PCNT: variants seen among roughly 807,000 people sequenced by gnomAD.
The protein encoded by PCNT is kendrin.
In PCNT, 319 loss-of-function variants were observed where a neutral mutation model predicts 380.4. The observed-to-expected ratio is 0.84, with a 90% CI of 0.77 to 0.92. PCNT has a LOEUF of 0.92. Among genes scored for constraint, PCNT ranks in the 40% least tolerant of loss-of-function variants. The probability of loss-of-function intolerance (pLI) is 0.00; values close to 1 mark genes in which losing one functional copy is unlikely to be tolerated. For synonymous variants in PCNT, 1,845 were observed against 1,735.2 expected, an observed-to-expected ratio of 1.06 and a Z score of -1.57; for missense variants, 4,400 against 4,255.3, an observed-to-expected ratio of 1.03 and a Z score of -0.95.
intron 2 of PCNT, among the ~76,000 whole-genome samples, chr21:46,327,026 CAGTG>C (rs988479893): frequency 5.4e-4 from 80 of 149,044 alleles, no homozygotes; most frequent in Admixed American, 2.7e-3. Flanking sequence ...AAAAAAAAAA[CAGTG>C]AGTAAATTTT....
Position 46,412,877 on chromosome 21 carries a change from C to A in PCNT, c.6035C>A (p.Pro2012His), listed in dbSNP as rs767323117. 1.2e-6 allele frequency: 2 copies of A among 1,612,870 alleles called. No homozygotes were observed. Among genetic ancestry groups the A allele is most frequent in the South Asian group, 2.2e-5 (2 of 91,086 alleles). ...GTCCTGGTGACGTTGAAGGATGCACCTCTCTGCAAGCAAGAAGGCGTGATG... is the reference window on the plus strand; with the variant it reads ...GTCCTGGTGACGTTGAAGGATGCACATCTCTGCAAGCAAGAAGGCGTGATG... ...QPVLVTLKDA[P>H]LCKQEGVMSV... Residue 2012 changes from proline to histidine, a missense_variant, in exon 29 of 47, where the codon CCT (proline) becomes CAT (histidine). Transcript: ENST00000359568.
At chr21:46,402,627 G>T in intron 27 of PCNT, 144 bp downstream of exon 27, 1 of 805,544 alleles carries the variant, frequency 1.2e-6, no homozygotes. Flanking sequence ...TGCAGAGAGC[G>T]CCCGATTCTG....
chr21:46,427,906 G>C (rs1212693591), intron 34 of PCNT, 111 bp downstream of exon 34: 2 of 1,217,170 alleles, frequency 1.6e-6, no homozygotes, highest in Admixed American at 1.9e-5. Flanking sequence ...TGTTTCTCTC[G>C]ACCGCTGGAA....
intron 4 of PCNT, 28 bp from the exon 5 acceptor site, chr21:46,346,715 C>T: frequency 6.3e-7 from 1 of 1,583,814 alleles, no homozygotes; most frequent in Non-Finnish European, 8.6e-7. Context: ...ACCATGGGCC[C>T]TTATCAGAGG....
Position 46,361,472 on chromosome 21 carries a change from C to T in PCNT, c.2155-2008C>T, listed in dbSNP as rs148791313. On this transcript the variant is annotated intron_variant, in intron 13 of 46. Transcript: ENST00000359568. ...TCTACTAAGAGTCACCATGATGCTGCGTTGTGTAAACTGTGACCTCTAACT... is the reference window on the plus strand; with the variant it reads ...TCTACTAAGAGTCACCATGATGCTGTGTTGTGTAAACTGTGACCTCTAACT... Among the ~76,000 whole-genome samples the T allele has an allele frequency of 7.2e-3, 1,098 of 152,328 alleles. 4 individuals are homozygous for T. Among genetic ancestry groups the T allele is most frequent in the Non-Finnish European group, 0.012 (793 of 68,036 alleles).
intron 30 of PCNT, among the ~76,000 whole-genome samples, chr21:46,417,543 T>C (rs1283652641): frequency 6.8e-6 from 1 of 146,180 alleles, no homozygotes; most frequent in Non-Finnish European, 1.5e-5. Context: ...TAATTTTAAT[T>C]TATGAGTTAG....
intron 15 of PCNT, among the ~76,000 whole-genome samples, chr21:46,376,097 G>A (rs904919104): frequency 6.6e-6 from 1 of 152,172 alleles, no homozygotes. Flanking sequence ...TACCCTCTCC[G>A]TCTGCAGTGT....
Position 46,411,833 on chromosome 21 carries a change from G to C in PCNT, c.5760G>C (p.Gln1920His). 2.6e-6 allele frequency: 4 copies of C among 1,565,078 alleles called. No homozygotes were observed. Among genetic ancestry groups the C allele is most frequent in the Non-Finnish European group, 2.6e-6 (3 of 1,160,744 alleles). ...LAAGAAPPELQWLRAQCARLS... is the reference protein window; with the variant it reads ...LAAGAAPPELHWLRAQCARLS... Reference sequence around the variant, plus strand: ...CCGGGGCGGCGCCTCCCGAGCTGCAGTGGCTCCGAGCGCAGTGTGCCCGCC... The same window carrying C: ...CCGGGGCGGCGCCTCCCGAGCTGCACTGGCTCCGAGCGCAGTGTGCCCGCC... Residue 1920 changes from glutamine to histidine, a missense_variant, in exon 28 of 47, where the codon CAG (glutamine) becomes CAC (histidine). Physicochemically the swap from Gln to His is conservative, Grantham distance 24 (BLOSUM62 0). Transcript: ENST00000359568.
intron 17 of PCNT, among the ~76,000 whole-genome samples, chr21:46,387,142 C>G (rs553829726): frequency 2.3e-4 from 35 of 152,318 alleles, no homozygotes; most frequent in Middle Eastern, 3.4e-3. Flanking sequence ...GAGACCAGGT[C>G]GGGCTTATGG....
At chr21:46,326,882 G>A (rs1369796701) in intron 2 of PCNT, among the ~76,000 whole-genome samples, 2 of 151,580 alleles carry the variant, frequency 1.3e-5, no homozygotes, top group African/African-American at 2.4e-5. Flanking sequence ...GACATCTGGC[G>A]CACACCTGTA....
chr21:46,390,889 C>T, intron 20 of PCNT, 57 bp downstream of exon 20: 2 of 1,550,860 alleles, frequency 1.3e-6, no homozygotes, highest in South Asian at 2.3e-5. Flanking sequence ...GCAGGCCTGG[C>T]CTCACTGAGG....
At chr21:46,434,811 CCTGT>C (rs1477707203) in intron 38 of PCNT, among the ~76,000 whole-genome samples, 5 of 152,204 alleles carry the variant, frequency 3.3e-5, no homozygotes, top group African/African-American at 1.2e-4. Context: ...CACAAATGTG[CCTGT>C]CTGTGTCTAT....
intron 9 of PCNT, 76 bp downstream of exon 9, chr21:46,351,616 A>G: frequency 2.3e-6 from 2 of 885,942 alleles, no homozygotes; most frequent in South Asian, 2.6e-5. Context: ...ACACCAAGCC[A>G]GAATTTAACA....
chr21:46,403,330 G>A (rs1243450292), intron 27 of PCNT, among the ~76,000 whole-genome samples: 1 of 147,874 alleles, frequency 6.8e-6, no homozygotes, highest in African/African-American at 2.4e-5. Context: ...AGAATTGTGT[G>A]TGTGTGGTGC....
intron 34 of PCNT, 57 bp from the exon 35 acceptor site, chr21:46,428,338 G>A: frequency 6.6e-7 from 1 of 1,520,056 alleles, no homozygotes; most frequent in Non-Finnish European, 9.0e-7. Context: ...AGCAGGGAAG[G>A]CCGGGGCATG....
chr21:46,393,223 C>A (rs901614388), intron 21 of PCNT, among the ~76,000 whole-genome samples: 22 of 152,176 alleles, frequency 1.4e-4, no homozygotes, highest in Admixed American at 1.4e-3. Flanking sequence ...TCTTCAGGTC[C>A]CTTCCTCCAC....
In PCNT at chr21:46,358,761, A is replaced by G. The variant is rs112021186; in HGVS notation, c.2154+1570A>G. ...TGCCTCAGCCTCCCTAGTAGCTGGA[A>G]TTACAGGTGCACACCACCATGCCTG... is the stretch of plus-strand genomic sequence containing the variant. On this transcript the variant is annotated intron_variant, in intron 13 of 46. Coordinates refer to ENST00000359568, the MANE Select transcript of PCNT (RefSeq NM_006031.6). 2.9e-4 allele frequency among the ~76,000 whole-genome samples: 44 copies of G among 151,208 alleles called. 2 individuals carry two copies. The highest frequency in any genetic ancestry group is 9.7e-4 in the African/African-American group (40 of 41,190).
In PCNT at chr21:46,402,442, G is replaced by A. The variant is rs113342730; in HGVS notation, c.5074G>A (p.Val1692Ile). 4.3e-5 allele frequency: 69 copies of A among 1,614,112 alleles called. No homozygotes were observed. In the Middle Eastern group the frequency reaches 9.9e-4, roughly 23 times the overall value. The change falls in exon 27 of 47, where the codon GTC becomes ATC. Residue 1692 changes from valine (V) to isoleucine (I), a missense_variant. By Grantham distance (29) the Val-to-Ile change is conservative. Transcript: ENST00000359568. ...KLDMQNSQTA[V>I]SLRELEEENT... ...GGACATGCAGAACAGCCAGACTGCT[G>A]TCAGCCTCAGAGAACTTGAGGAAGA...
chr21:46,364,445 G>A (rs966060555), intron 14 of PCNT, among the ~76,000 whole-genome samples: 2 of 152,258 alleles, frequency 1.3e-5, no homozygotes, highest in Non-Finnish European at 2.9e-5. Context: ...TGTCAGGGGC[G>A]GGGATCAGTC....
Sources: gnomAD v4.1 joint callset for allele counts (sites outside exome capture counted in the v4.1 genomes callset) on GRCh38, gnomAD v4.1.1 for gene constraint, MANE v1.5 for transcripts, NCBI Gene and HGNC (gene_info 2026-07-23, HGNC 2026-07-21) for gene names.